DMXL1: variants seen among roughly 807,000 people sequenced by gnomAD.
DMXL1 encodes dmX-like protein 1.
In DMXL1, 99 loss-of-function variants were observed where a neutral mutation model predicts 319.2. The ratio of observed to expected loss-of-function variants is 0.31; its 90% CI spans 0.26 to 0.37. The LOEUF is 0.37. Among genes scored for constraint, DMXL1 ranks in the 10% least tolerant of loss-of-function variants. The probability of loss-of-function intolerance (pLI) is 1.00; values close to 1 mark genes in which losing one functional copy is unlikely to be tolerated. For missense variants in DMXL1, 3,745 were observed against 3,595.6 expected (o/e 1.04, Z -1.06); for synonymous variants, 1,385 against 1,235.2 (o/e 1.12, Z -2.54).
intron 38 of DMXL1, among the ~76,000 whole-genome samples, chr5:119,227,489 C>G (rs1437744427): frequency 6.6e-6 from 1 of 152,148 alleles, no homozygotes; most frequent in Admixed American, 6.6e-5. Context: ...GTTGATTGCT[C>G]TTTTCTTGAG....
chr5:119,152,016 G>A lies in DMXL1; in HGVS notation c.4682G>A (p.Arg1561Gln), dbSNP rs759360001. 57 of 1,611,060 alleles carry A rather than the reference G, an allele frequency of 3.5e-5. No homozygotes were observed. Among genetic ancestry groups the A allele is most frequent in the Admixed American group, 2.8e-4 (17 of 59,772 alleles). Residue 1561 changes from arginine (R) to glutamine (Q), a missense_variant, in exon 19 of 44, where the codon CGA (arginine) becomes CAA (glutamine). Coordinates refer to ENST00000539542, the MANE Select transcript of DMXL1 (RefSeq NM_001290321.3). Reference sequence around the variant, plus strand: ...CTTACAACTTCCCTTCCAGCCTATCGAGCTCAACTCCTTCACCAAGGTGAT... The same window carrying A: ...CTTACAACTTCCCTTCCAGCCTATCAAGCTCAACTCCTTCACCAAGGTGAT... ...TFLTTSLPAYRAQLLHQGLST... is the reference protein window; with the variant it reads ...TFLTTSLPAYQAQLLHQGLST...
chr5:119,190,845 A>G (rs908441102), intron 29 of DMXL1, among the ~76,000 whole-genome samples: 1 of 152,228 alleles, frequency 6.6e-6, no homozygotes, highest in Non-Finnish European at 1.5e-5. Context: ...GGGATTCACA[A>G]CATTGAAAAT....
intron 38 of DMXL1, among the ~76,000 whole-genome samples, chr5:119,229,421 C>G (rs1428080110): frequency 6.6e-6 from 1 of 152,062 alleles, no homozygotes; most frequent in African/African-American, 2.4e-5. Flanking sequence ...GATATTAAGG[C>G]TCATCATTCT....
intron 5 of DMXL1, among the ~76,000 whole-genome samples, chr5:119,111,276 C>G (rs550526805): frequency 1.3e-5 from 2 of 152,228 alleles, no homozygotes; most frequent in African/African-American, 4.8e-5. Flanking sequence ...AGTATGGTAG[C>G]CACTAATTAC....
At chr5:119,184,995 A>G (rs1275525740) in intron 28 of DMXL1, among the ~76,000 whole-genome samples, 1 of 152,254 alleles carries the variant, frequency 6.6e-6, no homozygotes, top group Non-Finnish European at 1.5e-5. Context: ...TATCCATAAA[A>G]CATGCTTGAC....
intron 29 of DMXL1, among the ~76,000 whole-genome samples, chr5:119,190,610 A>G (rs534710383): frequency 6.6e-6 from 1 of 152,356 alleles, no homozygotes. Flanking sequence ...AAGTGCATCC[A>G]TAAAAAAAGT....
intron 2 of DMXL1, among the ~76,000 whole-genome samples, chr5:119,100,983 G>A (rs1207207999): frequency 4.6e-5 from 7 of 151,582 alleles, no homozygotes; most frequent in Admixed American, 2.0e-4. Flanking sequence ...GGGTTTCACC[G>A]TGTTAGCCAG....
intron 28 of DMXL1, among the ~76,000 whole-genome samples, chr5:119,179,221 T>C (rs1776369549): frequency 6.6e-6 from 1 of 151,684 alleles, no homozygotes; most frequent in Non-Finnish European, 1.5e-5. Context: ...GCATGAGGAG[T>C]AGCTTTATTT....
chr5:119,243,123 T>C (rs1426276666), intron 42 of DMXL1, among the ~76,000 whole-genome samples: 1 of 152,206 alleles, frequency 6.6e-6, no homozygotes, highest in East Asian at 1.9e-4. Context: ...ATCTTAGTGA[T>C]GGTTACACAG....
chr5:119,178,577 A>G (rs1280989953), intron 28 of DMXL1: 4 of 982,864 alleles, frequency 4.1e-6, no homozygotes, highest in Non-Finnish European at 4.8e-6. Context: ...TTTGGCAGGA[A>G]GGCACTTTGC....
chr5:119,183,403 G>A (rs1436937770), intron 28 of DMXL1, among the ~76,000 whole-genome samples: 1 of 152,134 alleles, frequency 6.6e-6, no homozygotes, highest in African/African-American at 2.4e-5. Flanking sequence ...TTTAACTGGT[G>A]GTTTATTATA....
chr5:119,101,279 C>A (rs531091683), intron 2 of DMXL1, among the ~76,000 whole-genome samples: 2 of 152,238 alleles, frequency 1.3e-5, no homozygotes, highest in Admixed American at 6.5e-5. Flanking sequence ...GTCCTCATTT[C>A]TTACCTTCTC....
chr5:119,079,178 C>G (rs917548529), intron 1 of DMXL1, among the ~76,000 whole-genome samples: 2 of 152,202 alleles, frequency 1.3e-5, no homozygotes, highest in African/African-American at 4.8e-5. Flanking sequence ...ACCTCCCATC[C>G]CAGTGCTCTC....
At chr5:119,188,042 C>T (rs1160272914) in intron 28 of DMXL1, among the ~76,000 whole-genome samples, 1 of 152,204 alleles carries the variant, frequency 6.6e-6, no homozygotes, top group Non-Finnish European at 1.5e-5. Context: ...TTAATATTTT[C>T]ATGTCACGTG....
At position 119,109,301 on chromosome 5, in the gene DMXL1, G is replaced by T. The variant is rs538110834; in HGVS notation, c.365-850G>T. Among the ~76,000 whole-genome samples, 12 of 152,248 alleles carry T rather than the reference G, an allele frequency of 7.9e-5. No homozygotes were observed. In the South Asian group the frequency reaches 2.1e-3, roughly 26 times the overall value. Reference sequence around the variant, plus strand: ...TTCTGGAAAAATGCACATATTGTATGTGTGATTTTTGTATGTTATCTCAAT... The same window carrying T: ...TTCTGGAAAAATGCACATATTGTATTTGTGATTTTTGTATGTTATCTCAAT... On this transcript the variant is annotated intron_variant, in intron 4 of 43. Coordinates refer to ENST00000539542, the MANE Select transcript of DMXL1 (RefSeq NM_001290321.3).
chr5:119,129,416 TGATGAAG>T lies in DMXL1; in HGVS notation c.1310_1315+1del, dbSNP rs2150024086. On this transcript the variant is annotated frameshift_variant and splice_region_variant, in exon 10 of 44. Transcript: ENST00000539542. LOFTEE classifies it high-confidence loss of function. ...ATTCTAATCAGGCAGATGTAAAATC[TGATGAAG>T]GTAAACTTTAAGAGGAAAGGAAAAT... 1 of 1,601,588 alleles carries T rather than the reference TGATGAAG, an allele frequency of 6.2e-7. No individual in the cohort carries two copies. The highest frequency in any genetic ancestry group is 1.3e-5 in the African/African-American group (1 of 74,320).
chr5:119,240,529 T>G lies in DMXL1; in HGVS notation c.8704+58T>G, dbSNP rs1196124341. On this transcript the variant is annotated intron_variant, in intron 42 of 43. Coordinates refer to ENST00000539542, the MANE Select transcript of DMXL1 (RefSeq NM_001290321.3). Reference sequence around the variant, plus strand: ...AGTCAGGAAATTCATAAGCTAAATATTATTTATAAGTGGATTTGTTACTGA... The same window carrying G: ...AGTCAGGAAATTCATAAGCTAAATAGTATTTATAAGTGGATTTGTTACTGA... 8 of 1,205,260 alleles carry G rather than the reference T, an allele frequency of 6.6e-6. No homozygotes were observed. In the Admixed American group the frequency reaches 1.2e-4, roughly 18 times the overall value. The allele number at this position is 1,205,260 out of a possible 1,614,324, so 74.7% of individuals were successfully genotyped here. A position where few individuals can be genotyped will look rare whatever the true frequency, so the allele number is the denominator to read the frequency against.
rs773414351 is a variant in DMXL1, at chr5:119,175,238, G to A, written c.6682-23G>A. 2.5e-6 allele frequency: 4 copies of A among 1,578,828 alleles called. No homozygotes were observed. In the Admixed American group the frequency reaches 6.9e-5, roughly 27 times the overall value. ...GCACTTTAAAAAGGTTATACTTAAA[G>A]TAATTTTGTTTTTGTTTTCCAGGTG... On this transcript the variant is annotated intron_variant, in intron 25 of 43. Transcript: ENST00000539542.
At chr5:119,148,594 A>C in intron 17 of DMXL1, 145 bp from the exon 18 acceptor site, 1 of 722,410 alleles carries the variant, frequency 1.4e-6, no homozygotes, top group Non-Finnish European at 2.3e-6. Flanking sequence ...TCTATTATGC[A>C]GTTTAAAAAA....
Sources: gnomAD v4.1 joint callset for allele counts (sites outside exome capture counted in the v4.1 genomes callset) on GRCh38, gnomAD v4.1.1 for gene constraint, MANE v1.5 for transcripts, NCBI Gene and HGNC (gene_info 2026-07-23, HGNC 2026-07-21) for gene names.